NDST4: variants seen among roughly 807,000 people sequenced by gnomAD.
NDST4 encodes the protein N-heparan sulfate sulfotransferase 4.
In NDST4, 63 loss-of-function variants were observed where a neutral mutation model predicts 100.8. The ratio of observed to expected loss-of-function variants is 0.62; its 90% CI spans 0.51 to 0.77. The LOEUF (loss-of-function observed/expected upper bound fraction) is 0.77. Ranked by LOEUF, NDST4 falls within the 30% of genes least tolerant of loss-of-function variation. The pLI, the probability that NDST4 is intolerant of heterozygous loss-of-function variation, is 0.00. For synonymous variants in NDST4, 377 were observed against 361.8 expected (o/e 1.04, Z -0.48); for missense variants, 943 against 1,018.4 (o/e 0.93, Z 1.01).
intron 6 of NDST4, among the ~76,000 whole-genome samples, chr4:114,930,709 A>G (rs940250994): frequency 5.3e-5 from 8 of 152,238 alleles, no homozygotes; most frequent in South Asian, 2.1e-4. Flanking sequence ...TATTTTCTGT[A>G]TACACTGGGA....
rs535553917 is a variant in NDST4 at position 115,022,151 on chromosome 4, T to C, written c.979-44877A>G. The stretch of plus-strand genomic sequence containing the variant: ...ATATACGTTCCACGTCTATGCACGT[T>C]CCATATATATACACGTTCCACGTCT... On this transcript the variant is annotated intron_variant, in intron 2 of 13. Transcript: ENST00000264363. 7.5e-5 allele frequency among the ~76,000 whole-genome samples: 11 copies of C among 146,854 alleles called. No individual in the cohort carries two copies. In the South Asian group the frequency reaches 2.3e-3, roughly 31 times the overall value.
intron 1 of NDST4, among the ~76,000 whole-genome samples, chr4:115,082,567 T>G (rs1729325331): frequency 6.6e-6 from 1 of 152,128 alleles, no homozygotes; most frequent in Non-Finnish European, 1.5e-5. Flanking sequence ...CTCCTGAAAA[T>G]TCAGCTGAAA....
At chr4:115,105,528 G>T (rs2110345295) in intron 1 of NDST4, among the ~76,000 whole-genome samples, 1 of 152,156 alleles carries the variant, frequency 6.6e-6, no homozygotes, top group African/African-American at 2.4e-5. Context: ...CAGTCTTCCA[G>T]CCAACTGCTA....
At chr4:115,032,960 A>G (rs960337068) in intron 2 of NDST4, among the ~76,000 whole-genome samples, 3 of 151,702 alleles carry the variant, frequency 2.0e-5, no homozygotes, top group Non-Finnish European at 4.4e-5. Context: ...TTTGATTACT[A>G]ATAAGGTATT....
intron 6 of NDST4, among the ~76,000 whole-genome samples, chr4:114,881,117 T>C (rs1429049671): frequency 1.3e-5 from 2 of 151,938 alleles, no homozygotes; most frequent in South Asian, 2.1e-4. Flanking sequence ...CATTGAAGGA[T>C]TTTGAGTAGG....
At chr4:115,032,737 C>A (rs1479799) in intron 2 of NDST4, among the ~76,000 whole-genome samples, 20,364 of 151,952 alleles carry the variant, frequency 0.13, 1,746 homozygotes, top group East Asian at 0.42. Context: ...TAGGTCCTTG[C>A]AAGAGCTTTT....
intron 6 of NDST4, among the ~76,000 whole-genome samples, chr4:114,890,067 A>G (rs537916359): frequency 6.6e-6 from 1 of 152,268 alleles, no homozygotes; most frequent in Admixed American, 6.6e-5. Flanking sequence ...ACCCATGGAT[A>G]GGTATTTTCA....
At chr4:114,874,376 T>A (rs972853550) in intron 6 of NDST4, among the ~76,000 whole-genome samples, 1 of 152,150 alleles carries the variant, frequency 6.6e-6, no homozygotes, top group African/African-American at 2.4e-5. Context: ...ATCTGTCTTT[T>A]GAAGAAAGCA....
chr4:114,851,976 C>G (rs1723687583), intron 8 of NDST4, among the ~76,000 whole-genome samples: 1 of 152,100 alleles, frequency 6.6e-6, no homozygotes, highest in Non-Finnish European at 1.5e-5. Flanking sequence ...GAAAATGCTT[C>G]TAGTCAAAGT....
At chr4:115,037,231 G>C (rs1242340031) in intron 2 of NDST4, among the ~76,000 whole-genome samples, 1 of 152,076 alleles carries the variant, frequency 6.6e-6, no homozygotes. Flanking sequence ...AACATTGGTA[G>C]AGACCAGTGA....
chr4:115,069,057 T>C (rs761400803), intron 2 of NDST4, among the ~76,000 whole-genome samples: 31 of 152,122 alleles, frequency 2.0e-4, no homozygotes, highest in Non-Finnish European at 3.2e-4. Context: ...TCAGTGATTA[T>C]GCAGGGACTC....
intron 4 of NDST4, chr4:114,956,030 C>T (rs551067208): frequency 5.5e-4 from 84 of 152,328 alleles, no homozygotes; most frequent in African/African-American, 2.0e-3. Flanking sequence ...TTTTCCTCCA[C>T]TATGCAGCCC....
At chr4:114,893,178 TA>T (rs1399929011) in intron 6 of NDST4, among the ~76,000 whole-genome samples, 1 of 152,212 alleles carries the variant, frequency 6.6e-6, no homozygotes, top group Non-Finnish European at 1.5e-5. Context: ...ATGTCTTTGC[TA>T]TTGCAAATAG....
At chr4:115,014,031 C>T (rs569419044) in intron 2 of NDST4, among the ~76,000 whole-genome samples, 12 of 152,156 alleles carry the variant, frequency 7.9e-5, no homozygotes, top group Middle Eastern at 3.4e-3. Flanking sequence ...GGTGGTGACT[C>T]AAATTGCAGC....
intron 6 of NDST4, among the ~76,000 whole-genome samples, chr4:114,914,634 G>A (rs939636846): frequency 6.6e-6 from 1 of 152,106 alleles, no homozygotes; most frequent in Non-Finnish European, 1.5e-5. Flanking sequence ...GTTTAGTAAG[G>A]TAATGATATT....
chr4:114,937,059 A>T (rs1419048900), intron 5 of NDST4, among the ~76,000 whole-genome samples: 3 of 152,236 alleles, frequency 2.0e-5, no homozygotes, highest in African/African-American at 7.2e-5. Flanking sequence ...ACTGAAACTA[A>T]AGTGGATAAT....
intron 11 of NDST4, among the ~76,000 whole-genome samples, 181 bp from the exon 12 acceptor site, chr4:114,833,896 GTT>G (rs1723256125): frequency 6.6e-6 from 1 of 152,124 alleles, no homozygotes; most frequent in Non-Finnish European, 1.5e-5. Flanking sequence ...AAACAATAAA[GTT>G]TGCCATAGGC....
chr4:114,934,567 TA>T (rs1321109300), intron 6 of NDST4, among the ~76,000 whole-genome samples: 4 of 142,632 alleles, frequency 2.8e-5, no homozygotes, highest in African/African-American at 1.1e-4. Context: ...AAAAAAAAAA[TA>T]AAATAAAAAT....
intron 2 of NDST4, among the ~76,000 whole-genome samples, chr4:114,981,616 T>C (rs148518526): frequency 6.6e-6 from 1 of 152,162 alleles, no homozygotes; most frequent in East Asian, 1.9e-4. Flanking sequence ...AAAAATCTGT[T>C]TTTAACAATG....
Sources: allele counts gnomAD v4.1 joint callset (sites outside exome capture counted in the v4.1 genomes callset), GRCh38; gene constraint gnomAD v4.1.1; transcripts MANE v1.5; gene names NCBI Gene and HGNC (gene_info 2026-07-23, HGNC 2026-07-21).